Variants in MTURN observed in about 807,000 individuals in gnomAD.
The protein encoded by MTURN is maturin.
A neutral mutation model predicts 14.9 loss-of-function variants in MTURN; 7 were observed. The observed-to-expected ratio is 0.47, with a 90% confidence interval of 0.27 to 0.88. MTURN has a LOEUF of 0.88. Ranked by LOEUF, MTURN falls within the 40% of genes least tolerant of loss-of-function variation. The pLI is 0.14. For synonymous variants in MTURN, 69 were observed against 72.5 expected (o/e 0.95, Z 0.25); for missense variants, 151 against 174.1 (o/e 0.87, Z 0.75).
At chr7:30,151,439 T>A (rs1408413142) in intron 2 of MTURN, among the ~76,000 whole-genome samples, 2 of 152,206 alleles carry the variant, frequency 1.3e-5, no homozygotes, top group African/African-American at 4.8e-5. Flanking sequence ...ATAATGGTGA[T>A]CATGCCGTTC....
chr7:30,158,477 A>G lies in MTURN; in HGVS notation c.*929A>G, dbSNP rs11696. 0.13 allele frequency: 19,249 copies of G among 152,202 alleles called. 1,338 individuals are homozygous for G. The highest frequency in any genetic ancestry group is 0.17 in the African/African-American group (7,036 of 41,346). The allele number at this position is 152,202 out of a possible 1,614,324, so 9.4% of individuals were successfully genotyped here. ...TTAAAAGTTTTTAAAAATATGGTAG[A>G]ATCCTTCTTTACTTTTTAAGTCTTT... On this transcript the variant is annotated 3_prime_UTR_variant, in exon 3 of 3. Coordinates refer to ENST00000324453, the MANE Select transcript of MTURN (RefSeq NM_152793.3).
intron 2 of MTURN, 52 bp from the exon 3 acceptor site, chr7:30,157,386 C>A: frequency 6.7e-7 from 1 of 1,481,874 alleles, no homozygotes. Flanking sequence ...GTCTTCCTGC[C>A]TGTGGGCCAT....
intron 1 of MTURN, among the ~76,000 whole-genome samples, chr7:30,141,893 C>T (rs1192535185): frequency 6.6e-6 from 1 of 152,148 alleles, no homozygotes; most frequent in South Asian, 2.1e-4. Flanking sequence ...CAGAAAACCC[C>T]CACTTCAGTA....
chr7:30,146,157 C>T lies in MTURN; in HGVS notation c.163-20C>T, dbSNP rs774557295. ...ACTGTGTGTCTTTGTTTTCTCCTTC[C>T]GTCGCCCGTGGGCACGCAGCACGTG... On this transcript the variant is annotated intron_variant, in intron 1 of 2. Transcript: ENST00000324453. 4.3e-6 allele frequency: 7 copies of T among 1,613,224 alleles called. No individual in the cohort carries two copies. In the African/African-American group the frequency reaches 9.3e-5, roughly 22 times the overall value.
intron 1 of MTURN, among the ~76,000 whole-genome samples, chr7:30,140,345 C>T (rs936507195): frequency 6.7e-6 from 1 of 149,692 alleles, no homozygotes; most frequent in Non-Finnish European, 1.5e-5. Flanking sequence ...AAGAAAAAGG[C>T]TTTATTTATG....
At chr7:30,135,464 G>A (rs1200048700) in intron 1 of MTURN, among the ~76,000 whole-genome samples, 166 bp downstream of exon 1, 1 of 150,998 alleles carries the variant, frequency 6.6e-6, no homozygotes, top group Admixed American at 6.6e-5. Flanking sequence ...CGGGCCGGGC[G>A]GTGCGGGCTC....
rs1797345870 is a variant in MTURN at position 30,160,038 on chromosome 7, C to G, written c.*2490C>G. On this transcript the variant is annotated 3_prime_UTR_variant, in exon 3 of 3. Transcript: ENST00000324453. ...CAGGAGAGACACCTGGGTTCTAGTT[C>G]AAGTCGGCCAAGGACTGTGTGACCT... 1 of 152,316 alleles carries G rather than the reference C, an allele frequency of 6.6e-6. No individual in the cohort carries two copies. Among genetic ancestry groups the G allele is most frequent in the South Asian group, 2.1e-4 (1 of 4,830 alleles). 9.4% of individuals were successfully genotyped at this position (152,316 alleles called of 1,614,324 possible).
chr7:30,135,907 G>A (rs1796946768), intron 1 of MTURN, among the ~76,000 whole-genome samples: 1 of 152,234 alleles, frequency 6.6e-6, no homozygotes, highest in Admixed American at 6.5e-5. Flanking sequence ...CGATCTCCTG[G>A]ACCTTCTTTG....
At position 30,149,246 on chromosome 7, in the gene MTURN, G is replaced by A. The variant is rs185170679; in HGVS notation, c.285+2947G>A. Among the ~76,000 whole-genome samples, 95 of 152,340 alleles carry A rather than the reference G, an allele frequency of 6.2e-4. 1 individual carries two copies. The highest frequency in any genetic ancestry group is 2.2e-3 in the African/African-American group (90 of 41,584). On this transcript the variant is annotated intron_variant, in intron 2 of 2. Transcript: ENST00000324453. Reference sequence around the variant, plus strand: ...TTCAGGTGGCGCTGAGATGTGTCACGTGGGCCCACAGCTTTGGTGTGCTGT... The same window carrying A: ...TTCAGGTGGCGCTGAGATGTGTCACATGGGCCCACAGCTTTGGTGTGCTGT...
chr7:30,138,394 C>T (rs1331426908), intron 1 of MTURN, among the ~76,000 whole-genome samples: 1 of 152,106 alleles, frequency 6.6e-6, no homozygotes, highest in Non-Finnish European at 1.5e-5. Context: ...GGATGATAGG[C>T]GTGAGCCACT....
At position 30,159,241 on chromosome 7, in the gene MTURN, C is replaced by G. The variant is rs1797333199; in HGVS notation, c.*1693C>G. 6.6e-6 allele frequency: 1 copy of G among 152,208 alleles called. No individual in the cohort carries two copies. Among genetic ancestry groups the G allele is most frequent in the Non-Finnish European group, 1.5e-5 (1 of 68,034 alleles). The allele number at this position is 152,208 out of a possible 1,614,324, so 9.4% of individuals were successfully genotyped here. A position where few individuals can be genotyped will look rare whatever the true frequency, so the allele number is the denominator to read the frequency against. On this transcript the variant is annotated 3_prime_UTR_variant, in exon 3 of 3. Coordinates refer to ENST00000324453, the MANE Select transcript of MTURN (RefSeq NM_152793.3). ...AGTAAAACACAACTTAGTGTTTCAT[C>G]CATTGGGGTGAGCATATACTGCCCT...
chr7:30,151,235 C>A (rs59953239), intron 2 of MTURN, among the ~76,000 whole-genome samples: 27,450 of 152,150 alleles, frequency 0.18, 2,591 homozygotes, highest in Middle Eastern at 0.24. Context: ...CATGACAATG[C>A]CAGGCAGGCT....
At chr7:30,148,448 G>A (rs1243718763) in intron 2 of MTURN, among the ~76,000 whole-genome samples, 2 of 152,298 alleles carry the variant, frequency 1.3e-5, no homozygotes, top group East Asian at 3.9e-4. Flanking sequence ...GGCAGAAGAG[G>A]GATGTCACCT....
At position 30,140,399 on chromosome 7, in the gene MTURN, G is replaced by T. The variant is rs1401870310; in HGVS notation, c.162+5101G>T. ...TTTACATGTGTTTGTAGAGGGGTGT[G>T]TGTGTGTGTGTGTGTGTATCCCCAT... On this transcript the variant is annotated intron_variant, in intron 1 of 2. Transcript: ENST00000324453. 2.4e-4 allele frequency among the ~76,000 whole-genome samples: 8 copies of T among 32,814 alleles called. No homozygotes were observed. The Admixed American group carries it at 2.7e-3, about 11-fold the overall frequency. The allele number at this position is 32,814 out of a possible 152,430, so 21.5% of individuals were successfully genotyped here.
chr7:30,135,360 T>A, intron 1 of MTURN, 62 bp downstream of exon 1: 1 of 1,398,076 alleles, frequency 7.2e-7, no homozygotes. Flanking sequence ...GGTGCGTCCC[T>A]GCGCCCGAGC....
At position 30,146,314 on chromosome 7, in the gene MTURN, G is replaced by A. The variant is rs762529342; in HGVS notation, c.285+15G>A. 6.2e-7 allele frequency: 1 copy of A among 1,613,548 alleles called. No homozygotes were observed. Among genetic ancestry groups the A allele is most frequent in the South Asian group, 1.1e-5 (1 of 91,076 alleles). ...CTTTCAGACCTGTAGGTGCCTGCTT[G>A]GCTTCTCACCACAGCTTGTTTTCTA... is the stretch of plus-strand genomic sequence containing the variant. On this transcript the variant is annotated intron_variant, in intron 2 of 2. Coordinates refer to ENST00000324453, the MANE Select transcript of MTURN (RefSeq NM_152793.3).
chr7:30,139,059 T>C (rs140449354), intron 1 of MTURN, among the ~76,000 whole-genome samples: 45 of 152,340 alleles, frequency 3.0e-4, no homozygotes, highest in African/African-American at 1.0e-3. Flanking sequence ...CACTAGACTC[T>C]AAGCTTCATG....
intron 1 of MTURN, chr7:30,145,972 A>G: frequency 6.4e-7 from 1 of 1,551,322 alleles, no homozygotes; most frequent in Non-Finnish European, 8.7e-7. Flanking sequence ...ATGGACCAAA[A>G]GCTCGGGGGC....
rs1198909724 is a variant in MTURN, at chr7:30,160,026, T to C, written c.*2478T>C. The C allele has an allele frequency of 6.6e-6, 1 of 152,346 alleles. No homozygotes were observed. The highest frequency in any genetic ancestry group is 1.5e-5 in the Non-Finnish European group (1 of 68,124). 9.4% of individuals were successfully genotyped at this position (152,346 alleles called of 1,614,324 possible). On this transcript the variant is annotated 3_prime_UTR_variant, in exon 3 of 3. Transcript: ENST00000324453. Reference sequence around the variant, plus strand: ...TGACCTTGGACGCAGGAGAGACACCTGGGTTCTAGTTCAAGTCGGCCAAGG... The same window carrying C: ...TGACCTTGGACGCAGGAGAGACACCCGGGTTCTAGTTCAAGTCGGCCAAGG...
Sources: allele counts gnomAD v4.1 joint callset (sites outside exome capture counted in the v4.1 genomes callset), GRCh38; gene constraint gnomAD v4.1.1; transcripts MANE v1.5; gene names NCBI Gene and HGNC (gene_info 2026-07-23, HGNC 2026-07-21).